The following LMTK2 variants were observed in gnomAD, a reference collection of about 807,000 sequenced individuals.
LMTK2 encodes lemur tail kinase 2.
In LMTK2, 37 loss-of-function variants were observed where a neutral mutation model predicts 127.5. The observed-to-expected ratio is 0.29, with a 90% CI of 0.22 to 0.38. LMTK2 has a LOEUF of 0.38. Among genes scored for constraint, LMTK2 ranks in the 10% least tolerant of loss-of-function variants. LMTK2 has a pLI of 1.00. For synonymous variants in LMTK2, 819 were observed against 810.1 expected (o/e 1.01, Z -0.19); for missense variants, 1,694 against 1,920.3 (o/e 0.88, Z 2.20).
intron 6 of LMTK2, among the ~76,000 whole-genome samples, chr7:98,165,499 T>G (rs1384444884): frequency 6.6e-6 from 1 of 152,156 alleles, no homozygotes; most frequent in Non-Finnish European, 1.5e-5. Flanking sequence ...TTTTTAAAAA[T>G]AGAAATGGGG....
chr7:98,112,179 C>T (rs921679014), intron 1 of LMTK2, among the ~76,000 whole-genome samples: 91 of 152,214 alleles, frequency 6.0e-4, no homozygotes, highest in African/African-American at 2.2e-3. Flanking sequence ...ATGTGACTGA[C>T]GTTTTTCTTT....
At position 98,171,370 on chromosome 7, in the gene LMTK2, G is replaced by A. The variant is rs1797187668; in HGVS notation, c.658-171G>A. On this transcript the variant is annotated intron_variant, in intron 6 of 13. Transcript: ENST00000297293. This position sits in a 1 kb window ranked among gnomAD's most constrained non-coding sequence, Gnocchi z 5.1. The stretch of plus-strand genomic sequence containing the variant: ...TTAACTAGTTAGAATGTTCCTAAAA[G>A]CATAATAGTGTTCTATACTTTCGCA... 6.6e-6 allele frequency among the ~76,000 whole-genome samples: 1 copy of A among 152,154 alleles called. No homozygotes were observed. The highest frequency in any genetic ancestry group is 6.5e-5 in the Admixed American group (1 of 15,274).
chr7:98,121,623 C>T (rs1321720349), intron 1 of LMTK2, among the ~76,000 whole-genome samples: 1 of 150,454 alleles, frequency 6.6e-6, no homozygotes, highest in East Asian at 2.0e-4. Flanking sequence ...CAGAGCCAGA[C>T]TCCATCTCAA....
chr7:98,116,150 T>C (rs1455923969), intron 1 of LMTK2, among the ~76,000 whole-genome samples: 2 of 152,218 alleles, frequency 1.3e-5, no homozygotes, highest in Non-Finnish European at 2.9e-5. Context: ...GGCTTCGGCC[T>C]CCCACGGTGT....
chr7:98,160,079 C>A (rs1218989691), intron 6 of LMTK2, among the ~76,000 whole-genome samples: 1 of 152,100 alleles, frequency 6.6e-6, no homozygotes, highest in Non-Finnish European at 1.5e-5. Flanking sequence ...CAGAATATTT[C>A]ATCTTTTTTA....
At chr7:98,180,630 A>T (rs553429469) in intron 7 of LMTK2, among the ~76,000 whole-genome samples, 9 of 152,344 alleles carry the variant, frequency 5.9e-5, no homozygotes, top group African/African-American at 2.2e-4. Context: ...AGAGTTTGGA[A>T]GTCATGAAAG....
At chr7:98,140,159 T>TCG (rs1562902815) in intron 2 of LMTK2, among the ~76,000 whole-genome samples, 3 of 5,732 alleles carry the variant, frequency 5.2e-4, no homozygotes, top group Non-Finnish European at 7.3e-4. Context: ...TTTCTTTTCT[T>TCG]TTCTTTTCTT....
chr7:98,125,919 A>G (rs1053765500), intron 1 of LMTK2, among the ~76,000 whole-genome samples: 32 of 152,312 alleles, frequency 2.1e-4, no homozygotes, highest in African/African-American at 7.5e-4. Flanking sequence ...GCCGTCTCTC[A>G]CCGCCAGGCC....
At chr7:98,172,190 TG>T (rs1797203231) in intron 7 of LMTK2, among the ~76,000 whole-genome samples, 1 of 152,130 alleles carries the variant, frequency 6.6e-6, no homozygotes, top group Non-Finnish European at 1.5e-5. Context: ...TCCGATCTGA[TG>T]AGGCCCCCCG....
chr7:98,176,990 C>CA (rs930129919), intron 7 of LMTK2, among the ~76,000 whole-genome samples: 15 of 152,086 alleles, frequency 9.9e-5, no homozygotes, highest in African/African-American at 3.6e-4. Flanking sequence ...CAGGGTCGTG[C>CA]AACTGGAAGC....
intron 3 of LMTK2, among the ~76,000 whole-genome samples, chr7:98,150,784 C>T (rs1001921979): frequency 9.9e-5 from 15 of 152,122 alleles, no homozygotes; most frequent in Admixed American, 7.2e-4. Flanking sequence ...ATTCTGGTTG[C>T]ATAACATTTT....
chr7:98,187,326 G>C (rs6465658), intron 9 of LMTK2, among the ~76,000 whole-genome samples: 56,798 of 152,028 alleles, frequency 0.37, 13,417 homozygotes, highest in Middle Eastern at 0.62. Flanking sequence ...AAACTGAAAG[G>C]GGTGTGGACT....
intron 1 of LMTK2, among the ~76,000 whole-genome samples, chr7:98,119,107 A>AG (rs894490313): frequency 5.9e-5 from 9 of 152,162 alleles, no homozygotes; most frequent in African/African-American, 1.9e-4. Context: ...AAAAAAAAAA[A>AG]AAAGAAATGC....
chr7:98,154,598 T>C (rs1796900736), intron 4 of LMTK2, among the ~76,000 whole-genome samples, 160 bp from the exon 5 acceptor site: 2 of 152,210 alleles, frequency 1.3e-5, no homozygotes, highest in African/African-American at 4.8e-5. Flanking sequence ...AAGAAAAATA[T>C]TTGAGTTTTC....
chr7:98,124,064 A>G (rs1171328362), intron 1 of LMTK2, among the ~76,000 whole-genome samples: 1 of 151,684 alleles, frequency 6.6e-6, no homozygotes, highest in African/African-American at 2.4e-5. Flanking sequence ...GTTCCTTTAT[A>G]TCTGTTTGGG....
At chr7:98,157,649 A>G (rs1432146889) in intron 5 of LMTK2, among the ~76,000 whole-genome samples, 2 of 152,076 alleles carry the variant, frequency 1.3e-5, no homozygotes, top group African/African-American at 4.8e-5. Context: ...TTAAAAAAAA[A>G]AAAAAAAAAA....
At chr7:98,140,216 A>C (rs1393158978) in intron 2 of LMTK2, among the ~76,000 whole-genome samples, 1 of 147,682 alleles carries the variant, frequency 6.8e-6, no homozygotes, top group African/African-American at 2.5e-5. Context: ...GTCTCGCTCT[A>C]TCACCCAGCC....
intron 11 of LMTK2, among the ~76,000 whole-genome samples, chr7:98,199,841 T>C (rs534402483): frequency 6.6e-6 from 1 of 152,332 alleles, no homozygotes; most frequent in East Asian, 1.9e-4. Flanking sequence ...TGCATCCTTT[T>C]ACTTTTAATC....
At position 98,191,868 on chromosome 7, in the gene LMTK2, C is replaced by T. The variant is rs1357649946; in HGVS notation, c.1403C>T (p.Thr468Ile). The T allele has an allele frequency of 6.2e-7, 1 of 1,614,208 alleles. No individual in the cohort carries two copies. Among genetic ancestry groups the T allele is most frequent in the Non-Finnish European group, 8.5e-7 (1 of 1,180,044 alleles). The change falls in exon 11 of 14, where the codon ACC (threonine) becomes ATC (isoleucine). Residue 468 changes from threonine to isoleucine, a missense_variant. Physicochemically the swap from Thr to Ile is moderately conservative, Grantham distance 89 (BLOSUM62 -1). This residue lies in a region of LMTK2 where 216 missense variants were observed against 266.8 expected (regional missense o/e 0.81). Transcript: ENST00000297293. ...GAGGAAGTCCTCACCGTGACCGAAA[C>T]CAGCCAGGGCCTGAGCTTCGAGTAT... Reference protein sequence around the residue: ...EMEEVLTVTETSQGLSFEYVW... With the variant: ...EMEEVLTVTEISQGLSFEYVW...
Sources: gnomAD v4.1 joint callset for allele counts (sites outside exome capture counted in the v4.1 genomes callset) on GRCh38, gnomAD v4.1.1 for gene constraint, gnomAD v4.1.1 regional missense constraint, Gnocchi (gnomAD v3.1) non-coding constraint, MANE v1.5 for transcripts, NCBI Gene and HGNC (gene_info 2026-07-23, HGNC 2026-07-21) for gene names.